RGS17: variants seen among roughly 807,000 people sequenced by gnomAD.
RGS17 encodes regulator of G-protein signaling 17.
In RGS17, 12 loss-of-function variants were observed where a neutral mutation model predicts 25.5. The observed-to-expected ratio is 0.47, with a 90% CI of 0.30 to 0.76. The LOEUF (loss-of-function observed/expected upper bound fraction) is 0.76, where lower values mean the gene tolerates loss of function less well. RGS17 is among the 30% of genes least tolerant of loss of function. RGS17 has a pLI of 0.07. For synonymous variants in RGS17, 71 were observed against 76.9 expected, an observed-to-expected ratio of 0.92 and a Z score of 0.40; for missense variants, 196 against 242.2, an observed-to-expected ratio of 0.81 and a Z score of 1.27.
Position 153,119,015 on chromosome 6 carries a change from T to G in RGS17, c.-26+12109A>C, listed in dbSNP as rs144019725. On this transcript the variant is annotated intron_variant, in intron 1 of 4. Transcript: ENST00000206262. Reference sequence around the variant, plus strand: ...ATATATGAATATATGCATGTATACATGTATGTATGCATGTGTATATATTTA... The same window carrying G: ...ATATATGAATATATGCATGTATACAGGTATGTATGCATGTGTATATATTTA... 7.6e-4 allele frequency among the ~76,000 whole-genome samples: 116 copies of G among 152,348 alleles called. 1 individual carries two copies. The East Asian group carries it at 0.02, about 26-fold the overall frequency.
At chr6:153,015,787 G>C (rs1314238018) in intron 4 of RGS17, among the ~76,000 whole-genome samples, 3 of 152,080 alleles carry the variant, frequency 2.0e-5, no homozygotes, top group Non-Finnish European at 4.4e-5. Flanking sequence ...CTGAGTAGCG[G>C]GGACTACAGG....
chr6:153,105,744 C>T (rs1777370188), intron 1 of RGS17, among the ~76,000 whole-genome samples: 1 of 152,172 alleles, frequency 6.6e-6, no homozygotes, highest in Admixed American at 6.5e-5. Context: ...TTTAAAGATT[C>T]ATTCATTCAT....
chr6:153,117,965 G>C (rs938172048), intron 1 of RGS17, among the ~76,000 whole-genome samples: 18 of 152,200 alleles, frequency 1.2e-4, no homozygotes, highest in Non-Finnish European at 1.3e-4. Context: ...ATATGAGGAG[G>C]GATGAAGAAG....
intron 1 of RGS17, among the ~76,000 whole-genome samples, chr6:153,087,710 G>A (rs1346895005): frequency 6.6e-6 from 1 of 152,134 alleles, no homozygotes; most frequent in Admixed American, 6.5e-5. Flanking sequence ...GGCAGATAAT[G>A]TCTCATCTCT....
intron 1 of RGS17, among the ~76,000 whole-genome samples, chr6:153,045,564 T>C (rs911481523): frequency 2.0e-5 from 3 of 152,156 alleles, no homozygotes; most frequent in African/African-American, 7.2e-5. Context: ...CTAAGGGTCT[T>C]AAGGGATTAG....
Position 153,130,905 on chromosome 6 carries a change from G to A in RGS17, c.-26+219C>T, listed in dbSNP as rs1283909893. Among the ~76,000 whole-genome samples the A allele has an allele frequency of 6.6e-6, 1 of 151,836 alleles. No homozygotes were observed. The highest frequency in any genetic ancestry group is 2.4e-5 in the African/African-American group (1 of 41,394). ...GCAGCGACGCGGGATTCAACTTCCC[G>A]GACCCGCGGCGCGGCCCCCGCTCCC... On this transcript the variant is annotated intron_variant, in intron 1 of 4. Transcript: ENST00000206262. This position sits in a 1 kb window ranked among gnomAD's most constrained non-coding sequence, Gnocchi z 6.4.
intron 4 of RGS17, among the ~76,000 whole-genome samples, chr6:153,017,639 G>A (rs886666380): frequency 3.3e-5 from 5 of 152,254 alleles, no homozygotes; most frequent in East Asian, 1.9e-4. Context: ...ATAATTATAC[G>A]AGAATATTGA....
intron 4 of RGS17, among the ~76,000 whole-genome samples, chr6:153,020,473 C>G (rs560979231): frequency 6.6e-6 from 1 of 151,798 alleles, no homozygotes; most frequent in Non-Finnish European, 1.5e-5. Context: ...TTTTATAACA[C>G]AATGCTCAAA....
chr6:153,083,801 A>T (rs1777015024), intron 1 of RGS17, among the ~76,000 whole-genome samples: 1 of 152,264 alleles, frequency 6.6e-6, no homozygotes, highest in East Asian at 1.9e-4. Context: ...GCCACAAATT[A>T]TATAATGGTA....
At chr6:153,104,833 AAAAAG>A (rs981354353) in intron 1 of RGS17, among the ~76,000 whole-genome samples, 3 of 151,998 alleles carry the variant, frequency 2.0e-5, no homozygotes, top group Admixed American at 6.5e-5. Context: ...CAAAAAAAAA[AAAAAG>A]AAAAGAAAAG....
At position 153,007,449 on chromosome 6, in the gene RGS17, T is replaced by C. The variant is rs1233363587; in HGVS notation, c.*4125A>G. 2 of 151,802 alleles carry C rather than the reference T, an allele frequency of 1.3e-5. No homozygotes were observed. Among genetic ancestry groups the C allele is most frequent in the African/African-American group, 2.4e-5 (1 of 41,386 alleles). The allele number at this position is 151,802 out of a possible 1,614,324, so 9.4% of individuals were successfully genotyped here. On this transcript the variant is annotated 3_prime_UTR_variant, in exon 5 of 5. Transcript: ENST00000206262. The stretch of plus-strand genomic sequence containing the variant: ...GTTGTAAACTGTCAATGTAAACAGA[T>C]AGGCGAAAATATTTTTTGGAAATAT...
chr6:153,044,156 T>C, intron 1 of RGS17, 113 bp from the exon 2 acceptor site: 1 of 649,208 alleles, frequency 1.5e-6, no homozygotes, highest in Non-Finnish European at 2.7e-6. Flanking sequence ...TAAGAAAAGG[T>C]AAAATAAGGA....
intron 1 of RGS17, among the ~76,000 whole-genome samples, chr6:153,076,010 T>C (rs1378779084): frequency 6.6e-6 from 1 of 152,176 alleles, no homozygotes; most frequent in Non-Finnish European, 1.5e-5. Context: ...AGTGTAACTT[T>C]TTACAGAACT....
intron 1 of RGS17, among the ~76,000 whole-genome samples, chr6:153,101,244 TAC>T (rs1420590948): frequency 6.6e-6 from 1 of 152,234 alleles, no homozygotes; most frequent in Non-Finnish European, 1.5e-5. Flanking sequence ...AGTCCACTTA[TAC>T]ACAGTTTTAT....
chr6:153,021,053 C>G (rs1031165494), intron 4 of RGS17, among the ~76,000 whole-genome samples: 1 of 152,124 alleles, frequency 6.6e-6, no homozygotes, highest in East Asian at 1.9e-4. Context: ...CAGACCTTTT[C>G]AATAGCTTCA....
chr6:153,127,467 G>A (rs1487126322), intron 1 of RGS17, among the ~76,000 whole-genome samples: 1 of 152,144 alleles, frequency 6.6e-6, no homozygotes, highest in Non-Finnish European at 1.5e-5. Context: ...TTGTATTTAT[G>A]CTTGCATCCT....
intron 1 of RGS17, among the ~76,000 whole-genome samples, chr6:153,129,533 T>C (rs1185606150): frequency 6.6e-6 from 1 of 152,182 alleles, no homozygotes; most frequent in Non-Finnish European, 1.5e-5. Context: ...CTAATAAAAA[T>C]CAATTCTCAC....
intron 1 of RGS17, among the ~76,000 whole-genome samples, chr6:153,111,353 A>G (rs962637124): frequency 6.6e-6 from 1 of 152,174 alleles, no homozygotes; most frequent in African/African-American, 2.4e-5. Flanking sequence ...ACCCCACCAC[A>G]GCTCTGCCAG....
chr6:153,110,457 CTT>C (rs1777452330), intron 1 of RGS17, among the ~76,000 whole-genome samples: 4 of 151,270 alleles, frequency 2.6e-5, no homozygotes, highest in African/African-American at 9.7e-5. Flanking sequence ...CACACACACA[CTT>C]CAATATAATA....
Sources: gnomAD v4.1 joint callset for allele counts (sites outside exome capture counted in the v4.1 genomes callset) on GRCh38, gnomAD v4.1.1 for gene constraint, Gnocchi (gnomAD v3.1) non-coding constraint, MANE v1.5 for transcripts, NCBI Gene and HGNC (gene_info 2026-07-23, HGNC 2026-07-21) for gene names.